Variants in LRRIQ3 observed in about 807,000 individuals in gnomAD.
LRRIQ3 encodes the protein leucine-rich repeat and IQ domain-containing protein 3.
LRRIQ3 carries 75 observed loss-of-function variants against 59.3 expected under a neutral mutation model. The ratio of observed to expected loss-of-function variants is 1.26; its 90% CI spans 1.05 to 1.53. The LOEUF is 1.53. Among genes scored for constraint, LRRIQ3 ranks in the 40% most tolerant of loss-of-function variants. The probability of loss-of-function intolerance (pLI) is 0.00; values close to 1 mark genes in which losing one functional copy is unlikely to be tolerated. For synonymous variants in LRRIQ3, 250 were observed against 231.3 expected, an observed-to-expected ratio of 1.08 and a Z score of -0.73; for missense variants, 831 against 710.0, an observed-to-expected ratio of 1.17 and a Z score of -1.94.
chr1:74,185,366 CT>C (rs1281601430), intron 1 of LRRIQ3, among the ~76,000 whole-genome samples: 2 of 152,030 alleles, frequency 1.3e-5, no homozygotes, highest in Admixed American at 1.3e-4. Flanking sequence ...TATCTCATTG[CT>C]TTAATTTGCA....
intron 1 of LRRIQ3, among the ~76,000 whole-genome samples, chr1:74,186,912 G>A (rs1650421170): frequency 6.6e-6 from 1 of 151,756 alleles, no homozygotes; most frequent in Non-Finnish European, 1.5e-5. Flanking sequence ...TTGTTCAACT[G>A]CCTACTTTTT....
chr1:74,178,780 A>T (rs761459536), intron 3 of LRRIQ3, among the ~76,000 whole-genome samples: 3 of 152,186 alleles, frequency 2.0e-5, no homozygotes, highest in Non-Finnish European at 4.4e-5. Flanking sequence ...ATAGAAGTCT[A>T]TCAAGTAAGA....
At chr1:74,168,151 T>C (rs1649105468) in intron 3 of LRRIQ3, among the ~76,000 whole-genome samples, 1 of 152,028 alleles carries the variant, frequency 6.6e-6, no homozygotes, top group African/African-American at 2.4e-5. Flanking sequence ...TCATATCTAG[T>C]TGTTCTAATT....
chr1:74,050,257 TGAA>T (rs1475876611), intron 6 of LRRIQ3, among the ~76,000 whole-genome samples: 1 of 152,130 alleles, frequency 6.6e-6, no homozygotes, highest in African/African-American at 2.4e-5. Context: ...AGATAATACT[TGAA>T]GTACAGGTTC....
intron 4 of LRRIQ3, among the ~76,000 whole-genome samples, chr1:74,128,384 C>T (rs1332895670): frequency 1.3e-5 from 2 of 151,950 alleles, no homozygotes; most frequent in Non-Finnish European, 2.9e-5. Flanking sequence ...GGTAAGAGAC[C>T]GATTTACTCT....
At chr1:74,135,924 A>G (rs1647115140) in intron 4 of LRRIQ3, among the ~76,000 whole-genome samples, 1 of 151,986 alleles carries the variant, frequency 6.6e-6, no homozygotes, top group Non-Finnish European at 1.5e-5. Context: ...ATAAAAAACT[A>G]GAAAAATAGT....
intron 6 of LRRIQ3, among the ~76,000 whole-genome samples, chr1:74,051,384 G>A (rs561866471): frequency 6.6e-6 from 1 of 152,258 alleles, no homozygotes; most frequent in African/African-American, 2.4e-5. Context: ...TGATGTGACT[G>A]TTAGTGACAA....
intron 6 of LRRIQ3, among the ~76,000 whole-genome samples, chr1:74,044,339 G>A (rs1474462600): frequency 6.6e-6 from 1 of 152,026 alleles, no homozygotes; most frequent in Non-Finnish European, 1.5e-5. Context: ...CCTCATGAGT[G>A]GCTTGGTGCC....
chr1:74,154,240 C>CAAAAAAAAAAAAAAAAAAAAAAAAAAAAA (rs71078186), intron 4 of LRRIQ3, among the ~76,000 whole-genome samples: 5 of 57,278 alleles, frequency 8.7e-5, no homozygotes, highest in Middle Eastern at 0.014. Flanking sequence ...GACTCCTTCT[C>CAAAAAAAAAAAAAAAAAAAAAAAAAAAAA]AAAAAAAAAA....
chr1:74,135,988 C>T (rs1647116585), intron 4 of LRRIQ3, among the ~76,000 whole-genome samples: 1 of 151,606 alleles, frequency 6.6e-6, no homozygotes, highest in African/African-American at 2.4e-5. Context: ...AAATGGCAAA[C>T]CTCTAGGTAA....
At chr1:74,196,349 C>CA (rs1213680053) in intron 1 of LRRIQ3, among the ~76,000 whole-genome samples, 1 of 152,118 alleles carries the variant, frequency 6.6e-6, no homozygotes, top group Non-Finnish European at 1.5e-5. Context: ...ATACAGACCC[C>CA]AAACATATAG....
intron 4 of LRRIQ3, chr1:74,144,568 A>G (rs990204370): frequency 4.7e-5 from 13 of 276,720 alleles, no homozygotes; most frequent in Non-Finnish European, 8.9e-5. Context: ...AAAAAAAAAA[A>G]GCAGCAAAAA....
intron 5 of LRRIQ3, among the ~76,000 whole-genome samples, chr1:74,081,105 A>G (rs559614061): frequency 3.9e-4 from 59 of 151,738 alleles, no homozygotes; most frequent in African/African-American, 1.4e-3. Flanking sequence ...CCTGCATTTG[A>G]TATCAATCTT....
chr1:74,043,242 A>C (rs1286450519), intron 6 of LRRIQ3, among the ~76,000 whole-genome samples: 3 of 152,126 alleles, frequency 2.0e-5, no homozygotes, highest in Non-Finnish European at 2.9e-5. Context: ...CACTTATTAA[A>C]ATTACATTCC....
intron 6 of LRRIQ3, among the ~76,000 whole-genome samples, chr1:74,066,004 T>C (rs1418509099): frequency 6.6e-6 from 1 of 151,884 alleles, no homozygotes; most frequent in Non-Finnish European, 1.5e-5. Flanking sequence ...CTGACCAACA[T>C]AGTGAAACCC....
intron 4 of LRRIQ3, among the ~76,000 whole-genome samples, chr1:74,138,125 A>G (rs1647157501): frequency 6.7e-6 from 1 of 149,890 alleles, no homozygotes; most frequent in Admixed American, 6.8e-5. Context: ...AGAAATAAAT[A>G]TCCTGGCTCT....
At chr1:74,170,125 G>C (rs1464622034) in intron 3 of LRRIQ3, among the ~76,000 whole-genome samples, 1 of 152,044 alleles carries the variant, frequency 6.6e-6, no homozygotes, top group East Asian at 1.9e-4. Context: ...TAGTCTATAA[G>C]TTGCCATTTC....
intron 7 of LRRIQ3, among the ~76,000 whole-genome samples, chr1:74,030,679 A>G (rs1056990494): frequency 6.6e-6 from 1 of 152,170 alleles, no homozygotes; most frequent in Non-Finnish European, 1.5e-5. Flanking sequence ...CCTAGGCAAT[A>G]CCATTCAGGA....
intron 6 of LRRIQ3, among the ~76,000 whole-genome samples, chr1:74,054,488 T>C (rs774286813): frequency 3.5e-4 from 53 of 152,052 alleles, no homozygotes; most frequent in Non-Finnish European, 6.6e-4. Flanking sequence ...TCAAAACTCA[T>C]AGAATGTACA....
Sources: allele counts gnomAD v4.1 joint callset (sites outside exome capture counted in the v4.1 genomes callset), GRCh38; gene constraint gnomAD v4.1.1; transcripts MANE v1.5; gene names NCBI Gene and HGNC (gene_info 2026-07-23, HGNC 2026-07-21).